FBXO27: variants seen among roughly 807,000 people sequenced by gnomAD.
FBXO27 encodes the protein F-box protein 27.
Under a neutral mutation model 28.3 loss-of-function variants are expected in FBXO27, and 28 were observed. The observed-to-expected ratio is 0.99, with a 90% CI of 0.73 to 1.36. The LOEUF (loss-of-function observed/expected upper bound fraction) is 1.36. FBXO27 is among the 40% of genes most tolerant of loss of function. The pLI is 0.00. For missense variants in FBXO27, 388 were observed against 394.1 expected (o/e 0.98, Z 0.13); for synonymous variants, 175 against 167.3 (o/e 1.05, Z -0.36).
chr19:39,020,303 C>T (rs983267489), downstream of FBXO27, among the ~76,000 whole-genome samples: 25 of 152,182 alleles, frequency 1.6e-4, no homozygotes, highest in African/African-American at 5.8e-4. Flanking sequence ...ACAACAAGAA[C>T]CCTTCTTCTG....
chr19:39,006,287 G>A (rs1975733816), intron 2 of FBXO27, among the ~76,000 whole-genome samples: 1 of 152,130 alleles, frequency 6.6e-6, no homozygotes, highest in Admixed American at 6.6e-5. Flanking sequence ...GCCAGGCAAG[G>A]TGGCCTACTC....
downstream of FBXO27, among the ~76,000 whole-genome samples, chr19:39,022,142 TA>T (rs2072848173): frequency 2.4e-5 from 3 of 125,326 alleles, no homozygotes; most frequent in Admixed American, 9.2e-5. Context: ...AAATATTTTC[TA>T]TTCTTTTTTT....
chr19:39,006,713 A>G (rs1484180410), intron 2 of FBXO27, among the ~76,000 whole-genome samples: 1 of 152,090 alleles, frequency 6.6e-6, no homozygotes, highest in Non-Finnish European at 1.5e-5. Flanking sequence ...CTGACCAGTA[A>G]GTTGAAGCTG....
chr19:39,025,276 C>T lies in FBXO27; in HGVS notation c.*135G>A, dbSNP rs1005630846. 1.9e-5 allele frequency: 23 copies of T among 1,217,956 alleles called. No individual in the cohort carries two copies. The highest frequency in any genetic ancestry group is 1.8e-4 in the African/African-American group (12 of 65,972). The allele number at this position is 1,217,956 out of a possible 1,614,324, so 75.4% of individuals were successfully genotyped here. On this transcript the variant is annotated 3_prime_UTR_variant, in exon 6 of 6. Transcript: ENST00000292853. ...AACCTGAAGACAGGGCCCGTCAGGG[C>T]CTTTGATTGGACCCAGGAATTCTCA...
Position 39,031,992 on chromosome 19 carries a change from C to G in FBXO27, c.236G>C (p.Gly79Ala), listed in dbSNP as rs772655162. 1 of 1,516,396 alleles carries G rather than the reference C, an allele frequency of 6.6e-7. No individual in the cohort carries two copies. Among genetic ancestry groups the G allele is most frequent in the Admixed American group, 2.2e-5 (1 of 45,156 alleles). 93.9% of individuals were successfully genotyped at this position (1,516,396 alleles called of 1,614,324 possible). A position where few individuals can be genotyped will look rare whatever the true frequency, so the allele number is the denominator to read the frequency against. Residue 79 changes from glycine to alanine, a missense_variant, in exon 2 of 6, where the codon GGC becomes GCC. Gly to Ala is a moderately conservative substitution (Grantham distance 60). Transcript: ENST00000292853. ...GCGGGCGAGGTGCAGCAGCGCGCGG[C>G]CGGTGGCGCCGTGGTCGCGGGCCAG... is the stretch of plus-strand genomic sequence containing the variant. ...LILARDHGAT[G>A]RALLHLARSC...
Position 39,026,870 on chromosome 19 carries a change from G to C in FBXO27, c.708C>G (p.His236Gln), listed in dbSNP as rs763073051. 4.3e-6 allele frequency: 7 copies of C among 1,614,096 alleles called. 1 individual carries two copies. The South Asian group carries it at 4.4e-5, about 10-fold the overall frequency. Residue 236 changes from histidine (H) to glutamine (Q), a missense_variant and splice_region_variant, in exon 5 of 6, where the codon CAC becomes CAG. Physicochemically the swap from His to Gln is conservative, Grantham distance 24. Coordinates refer to ENST00000292853, the MANE Select transcript of FBXO27 (RefSeq NM_178820.5). The part of the protein sequence containing the change: ...IPQWNNNACL[H>Q]VTHVFSNIKM... ...CCCCAAACCCCCATAGGAGACTCAC[G>C]TGAAGGCAGGCATTGTTGTTCCACT...
At chr19:39,022,655 C>T (rs1367676402), downstream of FBXO27, among the ~76,000 whole-genome samples, 8 of 151,872 alleles carry the variant, frequency 5.3e-5, no homozygotes, top group African/African-American at 9.7e-5. Context: ...AAGTCTCTGT[C>T]GCCCAGGCTG....
intron 4 of FBXO27, chr19:39,030,416 T>C (rs1208017990): frequency 6.5e-6 from 1 of 152,828 alleles, no homozygotes; most frequent in Non-Finnish European, 1.5e-5. Context: ...CTTGGCTAAC[T>C]ATGCTGTTTT....
chr19:39,009,733 C>T (rs560673126), intron 2 of FBXO27, among the ~76,000 whole-genome samples: 41 of 152,172 alleles, frequency 2.7e-4, no homozygotes, highest in Non-Finnish European at 4.4e-4. Flanking sequence ...CATTCTCTCC[C>T]AGTCTGTGGG....
chr19:39,019,506 GAA>G (rs2072835799), downstream of FBXO27, among the ~76,000 whole-genome samples: 2 of 124,006 alleles, frequency 1.6e-5, no homozygotes, highest in South Asian at 5.1e-4. Context: ...TATAATTCTA[GAA>G]AAGTGTAGCC....
rs959610305 is a variant in FBXO27, at chr19:39,025,312, G to A, written c.*99C>T. ...ACCCAGGAATTCTCAGTATGCCAGG[G>A]AGGTACAAGTGCTTGGTTGGTTAAT... On this transcript the variant is annotated 3_prime_UTR_variant, in exon 6 of 6. Coordinates refer to ENST00000292853, the MANE Select transcript of FBXO27 (RefSeq NM_178820.5). The A allele has an allele frequency of 5.5e-5, 80 of 1,454,328 alleles. 1 individual carries two copies. Among genetic ancestry groups the A allele is most frequent in the Non-Finnish European group, 7.3e-5 (79 of 1,079,994 alleles). 90.1% of individuals were successfully genotyped at this position (1,454,328 alleles called of 1,614,324 possible). A position where few individuals can be genotyped will look rare whatever the true frequency, so the allele number is the denominator to read the frequency against.
chr19:39,007,705 C>T (rs962169788), intron 2 of FBXO27, among the ~76,000 whole-genome samples: 5 of 152,042 alleles, frequency 3.3e-5, no homozygotes, highest in Admixed American at 2.6e-4. Context: ...TGCAATGGCG[C>T]GATCTCAGCT....
chr19:39,029,426 CAAAAAAAA>C (rs35521168), intron 4 of FBXO27, among the ~76,000 whole-genome samples: 2 of 101,752 alleles, frequency 2.0e-5, no homozygotes, highest in Non-Finnish European at 3.8e-5. Flanking sequence ...GACTCTGTCT[CAAAAAAAA>C]AAAAAAAAAA....
In FBXO27 at chr19:39,031,912, C is replaced by T. The variant is rs1289802789; in HGVS notation, c.316G>A (p.Ala106Thr). 4.0e-6 allele frequency: 6 copies of T among 1,504,278 alleles called. No homozygotes were observed. Among genetic ancestry groups the T allele is most frequent in the Non-Finnish European group, 5.3e-6 (6 of 1,138,192 alleles). 93.2% of individuals were successfully genotyped at this position (1,504,278 alleles called of 1,614,324 possible). Residue 106 changes from alanine (A) to threonine (T), a missense_variant, in exon 2 of 6, where the codon GCG becomes ACG. Transcript: ENST00000292853. ...AGGTTGCGTCCGATGGGTCTGCGCG[C>T]GCAGAAGCGGCCCAGGGGGCAAGGC... The part of the protein sequence containing the change: ...ARPCPLGRFC[A>T]RRPIGRNLIR...
At chr19:39,008,251 T>A (rs913192683) in intron 2 of FBXO27, among the ~76,000 whole-genome samples, 12 of 146,896 alleles carry the variant, frequency 8.2e-5, no homozygotes, top group Non-Finnish European at 1.5e-4. Flanking sequence ...GGCAACAGAG[T>A]GAGACTCTGT....
intron 4 of FBXO27, among the ~76,000 whole-genome samples, chr19:39,029,319 C>T (rs951323146): frequency 2.0e-5 from 3 of 148,290 alleles, no homozygotes; most frequent in Non-Finnish European, 3.0e-5. Context: ...CCCAGCTACT[C>T]GGGAGGCTGA....
At position 39,031,484 on chromosome 19, in the gene FBXO27, G is replaced by A. The variant is rs978294981; in HGVS notation, c.365-164C>T. 4.9e-6 allele frequency: 3 copies of A among 615,304 alleles called. No individual in the cohort carries two copies. The African/African-American group carries it at 6.3e-5, about 13-fold the overall frequency. The allele number at this position is 615,304 out of a possible 1,614,324, so 38.1% of individuals were successfully genotyped here. On this transcript the variant is annotated intron_variant, in intron 2 of 5. Transcript: ENST00000292853. ...TCCCCTCCCACCAGCTCAGGGCAAA[G>A]CCCCGCTCCTCTGGCCCTTCTCACT...
intron 3 of FBXO27, 25 bp downstream of exon 3, chr19:39,031,184 A>G (rs138040380): frequency 1.9e-6 from 3 of 1,613,400 alleles, no homozygotes; most frequent in Non-Finnish European, 2.5e-6. Context: ...AAGGGGCCGG[A>G]CCTTTGGATA....
In FBXO27 at chr19:39,031,220, C is replaced by A; in HGVS notation, c.465G>T (p.Val155=). ...GCAGGGGCATTCACCTGAATGAAGT[C>A]ACGAAGCACGTCTGAGAAGGGGCCC... ...VPGAPSQTCF[V]TSFSWCCKKQ... is the part of the protein sequence containing the mutation. Residue 155 remains valine, a synonymous_variant, in exon 3 of 6, where the codon GTG becomes GTT. Coordinates refer to ENST00000292853, the MANE Select transcript of FBXO27 (RefSeq NM_178820.5). 1 of 1,614,150 alleles carries A rather than the reference C, an allele frequency of 6.2e-7. No homozygotes were observed. The highest frequency in any genetic ancestry group is 8.5e-7 in the Non-Finnish European group (1 of 1,180,034).
Sources: gnomAD v4.1 joint callset for allele counts (sites outside exome capture counted in the v4.1 genomes callset) on GRCh38, gnomAD v4.1.1 for gene constraint, MANE v1.5 for transcripts, NCBI Gene and HGNC (gene_info 2026-07-23, HGNC 2026-07-21) for gene names.